XRCC1: variants seen among roughly 807,000 people sequenced by gnomAD.
XRCC1 encodes DNA repair protein XRCC1.
In XRCC1, 52 loss-of-function variants were observed where a neutral mutation model predicts 83.3. The observed-to-expected ratio is 0.62, with a 90% confidence interval of 0.50 to 0.79. The LOEUF (loss-of-function observed/expected upper bound fraction) is 0.79, where lower values mean the gene tolerates loss of function less well. Among genes scored for constraint, XRCC1 ranks in the 30% least tolerant of loss-of-function variants. The pLI is 0.00. For missense variants in XRCC1, 793 were observed against 823.5 expected (o/e 0.96, Z 0.45); for synonymous variants, 281 against 312.6 (o/e 0.90, Z 1.07).
intron 7 of XRCC1, 22 bp downstream of exon 7, chr19:43,552,960 C>A (rs576559582): frequency 3.1e-5 from 50 of 1,608,170 alleles, no homozygotes; most frequent in Non-Finnish European, 4.1e-5. Flanking sequence ...TCCTCCACCC[C>A]ACCAAAGTCT....
Position 43,575,020 on chromosome 19 carries a change from AGAG to A in XRCC1, c.52-21_52-19del, listed in dbSNP as rs752646010. 1.2e-6 allele frequency: 2 copies of A among 1,601,354 alleles called. No homozygotes were observed. The highest frequency in any genetic ancestry group is 1.7e-6 in the Non-Finnish European group (2 of 1,168,468). ...CAGTGAGTCTGGAAACAACAGTGGG[AGAG>A]GAGAATTAGGGCACAGAGATGACAG... On this transcript the variant is annotated intron_variant, in intron 1 of 16. Coordinates refer to ENST00000262887, the MANE Select transcript of XRCC1 (RefSeq NM_006297.3).
At chr19:43,556,279 G>T (rs1472007668) in intron 3 of XRCC1, among the ~76,000 whole-genome samples, 4 of 152,148 alleles carry the variant, frequency 2.6e-5, no homozygotes, top group Non-Finnish European at 5.9e-5. Flanking sequence ...GCATCTCAGA[G>T]ATCCTCACCA....
At chr19:43,564,409 A>G (rs1240033951) in intron 2 of XRCC1, among the ~76,000 whole-genome samples, 1 of 152,018 alleles carries the variant, frequency 6.6e-6, no homozygotes, top group East Asian at 1.9e-4. Flanking sequence ...CATGGCTAAC[A>G]TTTTCGGATT....
intron 2 of XRCC1, among the ~76,000 whole-genome samples, chr19:43,570,729 G>A (rs1972799373): frequency 6.6e-6 from 1 of 152,230 alleles, no homozygotes; most frequent in African/African-American, 2.4e-5. Flanking sequence ...AGGCTACAGT[G>A]AGCCATGACT....
chr19:43,570,043 A>C (rs1466229613), intron 2 of XRCC1, among the ~76,000 whole-genome samples: 2 of 152,252 alleles, frequency 1.3e-5, no homozygotes, highest in Non-Finnish European at 2.9e-5. Flanking sequence ...TGTGGAGTAC[A>C]CAGGGCTGCA....
intron 2 of XRCC1, among the ~76,000 whole-genome samples, chr19:43,568,779 G>GGAGCAGGAGTTGGGGAGT: frequency 6.6e-6 from 1 of 151,316 alleles, no homozygotes; most frequent in Admixed American, 6.6e-5. Flanking sequence ...AGTTGGGGAG[G>GGAGCAGGAGTTGGGGAGT]GAGCAGGGAG....
In XRCC1 at chr19:43,544,220, T is replaced by C; in HGVS notation, c.1636A>G (p.Lys546Glu). The C allele has an allele frequency of 4.3e-6, 7 of 1,609,736 alleles. No homozygotes were observed. The highest frequency in any genetic ancestry group is 3.3e-4 in the Middle Eastern group (2 of 6,058). ...AACTCCCCGTAAAGAAAGAAGTGCT[T>C]GCCCTGGAAGAAATCTGCAGGAGAG... ...VPELPDFFQG[K>E]HFFLYGEFPG... The change falls in exon 15 of 17, where the codon AAG becomes GAG. Residue 546 changes from lysine to glutamate, a missense_variant. By Grantham distance (56) the Lys-to-Glu change is moderately conservative. Transcript: ENST00000262887.
chr19:43,551,776 G>GAGAC (rs981995782), intron 9 of XRCC1, 89 bp from the exon 10 acceptor site: 389 of 1,115,204 alleles, frequency 3.5e-4, no homozygotes, highest in Non-Finnish European at 4.2e-4. Context: ...GAGAGAGAGA[G>GAGAC]AGACAGACAG....
Position 43,544,169 on chromosome 19 carries a change from T to C in XRCC1, c.1687A>G (p.Ile563Val). The C allele has an allele frequency of 6.2e-7, 1 of 1,610,156 alleles. No individual in the cohort carries two copies. The highest frequency in any genetic ancestry group is 1.1e-5 in the South Asian group (1 of 90,072). ...EFPGDERRKL[I>V]RYVTAFNGEL... is the part of the protein sequence containing the mutation. ...CCATTGAAGGCTGTGACGTATCGGA[T>C]GAGTTTCCGCCGCTCGTCCCCAGGG... is the stretch of plus-strand genomic sequence containing the variant. The change falls in exon 15 of 17, where the codon ATC becomes GTC. Residue 563 changes from isoleucine (I) to valine (V), a missense_variant. Ile to Val is a conservative substitution (Grantham distance 29). Transcript: ENST00000262887.
chr19:43,545,124 C>T (rs1002531303), intron 14 of XRCC1, among the ~76,000 whole-genome samples: 2 of 152,128 alleles, frequency 1.3e-5, no homozygotes, highest in African/African-American at 2.4e-5. Context: ...ACTTTAGGGG[C>T]TTGGGAGAAT....
chr19:43,575,521 G>T lies in XRCC1; in HGVS notation c.-63C>A. 1 of 1,557,632 alleles carries T rather than the reference G, an allele frequency of 6.4e-7. No homozygotes were observed. The highest frequency in any genetic ancestry group is 1.1e-5 in the South Asian group (1 of 88,042). The stretch of plus-strand genomic sequence containing the variant: ...GTAGAGTATGGGGTCCGAGGGGCAG[G>T]GAGAGTGGGAGGGGGCGGGGTGCGC... On this transcript the variant is annotated 5_prime_UTR_variant, in exon 1 of 17. Coordinates refer to ENST00000262887, the MANE Select transcript of XRCC1 (RefSeq NM_006297.3).
At chr19:43,545,690 T>G (rs1600040909) in intron 14 of XRCC1, 128 bp downstream of exon 14, 5 of 1,196,982 alleles carry the variant, frequency 4.2e-6, no homozygotes, top group East Asian at 2.4e-5. Context: ...AGGCAGGGAG[T>G]GGGTTGAGGA....
At chr19:43,572,350 A>C (rs1972813363) in intron 2 of XRCC1, among the ~76,000 whole-genome samples, 1 of 152,236 alleles carries the variant, frequency 6.6e-6, no homozygotes, top group African/African-American at 2.4e-5. Context: ...CCGAATTTTC[A>C]CAACTCCGGG....
Position 43,552,051 on chromosome 19 carries a change from G to A in XRCC1, c.1048C>T (p.Arg350Trp), listed in dbSNP as rs754041352. The A allele has an allele frequency of 1.8e-5, 29 of 1,613,966 alleles. No individual in the cohort carries two copies. The highest frequency in any genetic ancestry group is 1.6e-4 in the Middle Eastern group (1 of 6,082). Residue 350 changes from arginine (R) to tryptophan (W), a missense_variant, in exon 9 of 17, where the codon CGG becomes TGG. Arg to Trp is a moderately radical substitution (Grantham distance 101, BLOSUM62 -3). Coordinates refer to ENST00000262887, the MANE Select transcript of XRCC1 (RefSeq NM_006297.3). ...DKALELGAKY[R>W]PDWTRDSTHL... ...GTGCTGTCCCGGGTCCAGTCTGGCCGATACTTGGCCCCAAGCTCTAGGGCC... is the reference window on the plus strand; with the variant it reads ...GTGCTGTCCCGGGTCCAGTCTGGCCAATACTTGGCCCCAAGCTCTAGGGCC...
chr19:43,557,495 C>A (rs1256087366), intron 3 of XRCC1, among the ~76,000 whole-genome samples: 3 of 151,852 alleles, frequency 2.0e-5, no homozygotes, highest in Non-Finnish European at 4.4e-5. Flanking sequence ...GCAAAGGAAA[C>A]AAGAAAGACA....
chr19:43,552,260 C>T lies in XRCC1; in HGVS notation c.839G>A (p.Arg280His), dbSNP rs25489. 84,711 of 1,605,884 alleles carry T rather than the reference C, an allele frequency of 0.053. 2,668 individuals are homozygous for T. The highest frequency in any genetic ancestry group is 0.14 in the Middle Eastern group (831 of 6,052). ...PKRPKLPAPT[R>H]TPATAPVPAR... ...AGGGACTGGGGCTGTGGCTGGGGTACGAGTTGGAGCTGGCACTGGAGAAGA... is the reference window on the plus strand; with the variant it reads ...AGGGACTGGGGCTGTGGCTGGGGTATGAGTTGGAGCTGGCACTGGAGAAGA... The change falls in exon 9 of 17, where the codon CGT becomes CAT. Residue 280 changes from arginine to histidine, a missense_variant. Physicochemically the swap from Arg to His is conservative, Grantham distance 29. Transcript: ENST00000262887.
At chr19:43,570,701 C>T (rs896821760) in intron 2 of XRCC1, among the ~76,000 whole-genome samples, 20 of 152,156 alleles carry the variant, frequency 1.3e-4, no homozygotes, top group African/African-American at 4.3e-4. Context: ...GGGAGGATTG[C>T]CTGAGCCCAG....
chr19:43,543,441 T>C lies in XRCC1; in HGVS notation c.1853A>G (p.Lys618Arg). The stretch of plus-strand genomic sequence containing the variant: ...GAGCTGGTGAGGAAGTAACTTCTGC[T>C]TCTCATTGCAACTGTAGATCCATCG... ...RPRWIYSCNE[K>R]QKLLPHQLYG... Residue 618 changes from lysine (K) to arginine (R), a missense_variant, in exon 17 of 17, where the codon AAG becomes AGG. Transcript: ENST00000262887. The C allele has an allele frequency of 6.2e-7, 1 of 1,612,964 alleles. No homozygotes were observed. The highest frequency in any genetic ancestry group is 8.5e-7 in the Non-Finnish European group (1 of 1,179,900).
At chr19:43,557,727 G>A (rs1972652381) in intron 3 of XRCC1, among the ~76,000 whole-genome samples, 1 of 145,550 alleles carries the variant, frequency 6.9e-6, no homozygotes, top group Non-Finnish European at 1.5e-5. Context: ...GGGAGGCGGA[G>A]GTTGCAGTGA....
Sources: allele counts gnomAD v4.1 joint callset (sites outside exome capture counted in the v4.1 genomes callset), GRCh38; gene constraint gnomAD v4.1.1; transcripts MANE v1.5; gene names NCBI Gene and HGNC (gene_info 2026-07-23, HGNC 2026-07-21).